Variants in PHACTR1 observed in about 807,000 individuals in gnomAD.
PHACTR1 encodes phosphatase and actin regulator 1.
PHACTR1 carries 16 observed loss-of-function variants against 69.2 expected under a neutral mutation model. The observed-to-expected ratio is 0.23, with a 90% CI of 0.16 to 0.35. The LOEUF (loss-of-function observed/expected upper bound fraction) is 0.35, where lower values mean the gene tolerates loss of function less well. PHACTR1 is among the 10% of genes least tolerant of loss of function. The pLI is 1.00. For missense variants in PHACTR1, 510 were observed against 734.7 expected (o/e 0.69, Z 3.54); for synonymous variants, 312 against 284.5 (o/e 1.10, Z -0.97).
intron 7 of PHACTR1, among the ~76,000 whole-genome samples, chr6:13,193,357 G>GTATATGTATATATATATA (rs1554152202): frequency 2.9e-4 from 20 of 68,160 alleles, no homozygotes; most frequent in Non-Finnish European, 5.8e-4. Flanking sequence ...AGCTCTCTGT[G>GTATATGTATATATATATA]TATATATATA....
At chr6:12,963,903 G>A (rs1199256376) in intron 4 of PHACTR1, among the ~76,000 whole-genome samples, 1 of 152,138 alleles carries the variant, frequency 6.6e-6, no homozygotes, top group Non-Finnish European at 1.5e-5. Flanking sequence ...TTCATAACTT[G>A]CCCAAAAAAG....
intron 4 of PHACTR1, among the ~76,000 whole-genome samples, chr6:12,757,091 A>C (rs1767413790): frequency 6.6e-6 from 1 of 152,248 alleles, no homozygotes. Flanking sequence ...AAAATGAATA[A>C]GGCAGACTAA....
chr6:13,064,547 GATATAT>G (rs1195089569), intron 5 of PHACTR1, among the ~76,000 whole-genome samples: 8 of 70,214 alleles, frequency 1.1e-4, no homozygotes, highest in Admixed American at 3.9e-4. Flanking sequence ...GAAGGGAAAA[GATATAT>G]ATATATATAT....
chr6:13,252,131 G>A (rs1474592950), intron 10 of PHACTR1, among the ~76,000 whole-genome samples: 1 of 149,798 alleles, frequency 6.7e-6, no homozygotes, highest in African/African-American at 2.5e-5. Context: ...AGCACTTTGG[G>A]AGGCTGAGGT....
intron 5 of PHACTR1, among the ~76,000 whole-genome samples, chr6:13,073,498 C>T (rs527863141): frequency 8.0e-4 from 122 of 151,858 alleles, no homozygotes; most frequent in South Asian, 4.6e-3. Context: ...TGCATGCCAC[C>T]ACGCCTGGCC....
At chr6:13,142,204 G>A (rs971869180) in intron 5 of PHACTR1, among the ~76,000 whole-genome samples, 1 of 152,202 alleles carries the variant, frequency 6.6e-6, no homozygotes, top group Non-Finnish European at 1.5e-5. Flanking sequence ...CTGGGTTCAA[G>A]CAATTCTCCT....
chr6:12,997,985 C>T (rs1261463385), intron 4 of PHACTR1, among the ~76,000 whole-genome samples: 5 of 152,064 alleles, frequency 3.3e-5, no homozygotes, highest in Non-Finnish European at 4.4e-5. Flanking sequence ...ATATACAACA[C>T]ATTATTATTA....
chr6:12,750,980 G>T (rs1766543876), intron 4 of PHACTR1, among the ~76,000 whole-genome samples: 1 of 151,166 alleles, frequency 6.6e-6, no homozygotes, highest in African/African-American at 2.4e-5. Context: ...AACAAAATGT[G>T]TGTGTGTGTG....
intron 4 of PHACTR1, among the ~76,000 whole-genome samples, chr6:12,843,524 CCTAT>C (rs1369061379): frequency 6.6e-6 from 1 of 152,108 alleles, no homozygotes; most frequent in Non-Finnish European, 1.5e-5. Flanking sequence ...CCTAGAAATA[CCTAT>C]CTCTTTTGAA....
chr6:12,799,941 A>C (rs1385537814), intron 4 of PHACTR1, among the ~76,000 whole-genome samples: 1 of 152,218 alleles, frequency 6.6e-6, no homozygotes, highest in Non-Finnish European at 1.5e-5. Context: ...TTGCAATTAC[A>C]AAAAGTTTTG....
intron 4 of PHACTR1, among the ~76,000 whole-genome samples, chr6:13,044,000 A>G (rs975404345): frequency 6.6e-6 from 1 of 152,202 alleles, no homozygotes; most frequent in African/African-American, 2.4e-5. Flanking sequence ...TGGGAGATAA[A>G]ACAAGAATTT....
At chr6:12,763,711 A>G (rs904592027) in intron 4 of PHACTR1, among the ~76,000 whole-genome samples, 14 of 152,304 alleles carry the variant, frequency 9.2e-5, no homozygotes, top group African/African-American at 2.9e-4. Context: ...TCCTAAGTAA[A>G]AGCTGTAAAC....
intron 13 of PHACTR1, among the ~76,000 whole-genome samples, chr6:13,284,546 ATATATAT>A (rs1781153252): frequency 1.2e-3 from 84 of 69,702 alleles, no homozygotes; most frequent in East Asian, 2.1e-3. Flanking sequence ...AAAAAAAAAT[ATATATAT>A]ATATATATAT....
intron 4 of PHACTR1, among the ~76,000 whole-genome samples, chr6:13,032,284 C>T (rs536694613): frequency 2.0e-5 from 3 of 152,238 alleles, no homozygotes; most frequent in East Asian, 3.9e-4. Context: ...TATCCTAAAA[C>T]GTTAAGTTCA....
intron 4 of PHACTR1, among the ~76,000 whole-genome samples, chr6:13,033,165 G>C (rs1019885499): frequency 4.6e-5 from 7 of 152,026 alleles, no homozygotes; most frequent in African/African-American, 1.7e-4. Context: ...CCCAAAATTA[G>C]GAATTACACA....
chr6:13,243,127 AT>A (rs1336929034), intron 10 of PHACTR1, among the ~76,000 whole-genome samples: 3 of 152,188 alleles, frequency 2.0e-5, no homozygotes, highest in African/African-American at 7.2e-5. Context: ...AAGAATGGGA[AT>A]GAGTCAGGGC....
At chr6:12,817,284 G>A (rs188593361) in intron 4 of PHACTR1, among the ~76,000 whole-genome samples, 6 of 152,212 alleles carry the variant, frequency 3.9e-5, no homozygotes, top group East Asian at 1.9e-4. Flanking sequence ...TCATCACATC[G>A]TATGTATCCC....
At chr6:12,908,174 G>T (rs151042101) in intron 4 of PHACTR1, among the ~76,000 whole-genome samples, 57 of 152,200 alleles carry the variant, frequency 3.7e-4, no homozygotes, top group Middle Eastern at 3.4e-3. Context: ...AATCGCACCT[G>T]GGCCTGGTAG....
At chr6:13,164,497 A>T (rs983886445) in intron 6 of PHACTR1, among the ~76,000 whole-genome samples, 2 of 152,126 alleles carry the variant, frequency 1.3e-5, no homozygotes, top group African/African-American at 4.8e-5. Context: ...ATTTGTAATG[A>T]CTGTGTCAGC....
Sources: gnomAD v4.1 joint callset for allele counts (sites outside exome capture counted in the v4.1 genomes callset) on GRCh38, gnomAD v4.1.1 for gene constraint, MANE v1.5 for transcripts, NCBI Gene and HGNC (gene_info 2026-07-23, HGNC 2026-07-21) for gene names.